PPP2R2B: variants seen among roughly 807,000 people sequenced by gnomAD.
PPP2R2B encodes protein phosphatase 2 regulatory subunit Bbeta, also known as serine/threonine-protein phosphatase 2A 55 kDa regulatory subunit B beta isoform.
In PPP2R2B, 5 loss-of-function variants were observed where a neutral mutation model predicts 46.0. The ratio of observed to expected loss-of-function variants is 0.11; its 90% confidence interval spans 0.06 to 0.23. The LOEUF (loss-of-function observed/expected upper bound fraction) is 0.23, where lower values mean the gene tolerates loss of function less well. Among genes scored for constraint, PPP2R2B ranks in the 10% least tolerant of loss-of-function variants. The pLI, the probability that PPP2R2B is intolerant of heterozygous loss-of-function variation, is 1.00. For synonymous variants in PPP2R2B, 215 were observed against 206.7 expected, an observed-to-expected ratio of 1.04 and a Z score of -0.34; for missense variants, 367 against 575.0, an observed-to-expected ratio of 0.64 and a Z score of 3.70.
chr5:146,644,174 A>C (rs1212888413), intron 6 of PPP2R2B, among the ~76,000 whole-genome samples: 1 of 151,094 alleles, frequency 6.6e-6, no homozygotes, highest in African/African-American at 2.4e-5. Context: ...TCAATAAAAG[A>C]ATATCGTAAT....
intron 1 of PPP2R2B, among the ~76,000 whole-genome samples, chr5:147,022,918 A>T (rs2151886201): frequency 6.6e-6 from 1 of 152,298 alleles, no homozygotes; most frequent in Admixed American, 6.5e-5. Context: ...AAAGAAAAAA[A>T]GTTGAGTGAA....
intron 2 of PPP2R2B, among the ~76,000 whole-genome samples, chr5:146,835,930 C>T (rs971041214): frequency 3.9e-5 from 6 of 152,040 alleles, no homozygotes; most frequent in African/African-American, 9.7e-5. Flanking sequence ...CCAGTTCCAC[C>T]GATTTAAGCT....
rs1779507447 is a variant in PPP2R2B at position 146,701,078 on chromosome 5, C to G, written c.135G>C (p.Gly45=). The change falls in exon 3 of 10, where the codon GGG becomes GGC. Residue 45 remains glycine, a synonymous_variant. Coordinates refer to ENST00000394411, the MANE Select transcript of PPP2R2B (RefSeq NM_181675.4). ...TGELLATGDK[G]GRVVIFQREQ... ...CTCGTTGAAATATTACAACCCGACC[C>G]CCCTTGTCCCCTGTCGCTAGTAATT... is the stretch of plus-strand genomic sequence containing the variant. 1 of 1,613,832 alleles carries G rather than the reference C, an allele frequency of 6.2e-7. No individual in the cohort carries two copies. The highest frequency in any genetic ancestry group is 1.3e-5 in the African/African-American group (1 of 74,920).
intron 1 of PPP2R2B, among the ~76,000 whole-genome samples, chr5:147,005,082 T>C (rs1368786358): frequency 6.6e-6 from 1 of 152,166 alleles, no homozygotes; most frequent in East Asian, 1.9e-4. Flanking sequence ...GGACCAGTGC[T>C]TCAAACATGT....
intron 6 of PPP2R2B, among the ~76,000 whole-genome samples, chr5:146,641,503 A>ATTT (rs61445378): frequency 4.7e-5 from 6 of 128,574 alleles, no homozygotes; most frequent in African/African-American, 1.9e-4. Flanking sequence ...GTGCTCTAAG[A>ATTT]TTTTTTTTTT....
intron 1 of PPP2R2B, among the ~76,000 whole-genome samples, chr5:147,014,434 C>T (rs1489123019): frequency 6.6e-6 from 1 of 151,710 alleles, no homozygotes; most frequent in Non-Finnish European, 1.5e-5. Context: ...GACACATGCA[C>T]ACGTATGTTT....
intron 6 of PPP2R2B, among the ~76,000 whole-genome samples, chr5:146,642,718 C>G (rs1211234729): frequency 6.6e-6 from 1 of 152,178 alleles, no homozygotes; most frequent in African/African-American, 2.4e-5. Flanking sequence ...CAATGATCAG[C>G]ACAATTTCCA....
chr5:146,910,028 A>C (rs1763124848), intron 1 of PPP2R2B, among the ~76,000 whole-genome samples: 1 of 152,184 alleles, frequency 6.6e-6, no homozygotes, highest in Non-Finnish European at 1.5e-5. Flanking sequence ...CTTTTTAAAT[A>C]TTTGACTCAT....
At chr5:146,703,638 G>T (rs916596488) in intron 2 of PPP2R2B, among the ~76,000 whole-genome samples, 1 of 152,124 alleles carries the variant, frequency 6.6e-6, no homozygotes, top group Non-Finnish European at 1.5e-5. Flanking sequence ...TTTCCCAGGG[G>T]ATGACACATA....
intron 1 of PPP2R2B, among the ~76,000 whole-genome samples, chr5:146,899,574 T>C (rs936487399): frequency 3.0e-4 from 45 of 151,940 alleles, no homozygotes; most frequent in African/African-American, 1.1e-3. Context: ...TGTATACATA[T>C]GTAACTAACC....
chr5:146,900,245 C>A (rs1384288571), intron 1 of PPP2R2B, among the ~76,000 whole-genome samples: 2 of 152,112 alleles, frequency 1.3e-5, no homozygotes, highest in East Asian at 3.9e-4. Context: ...AAATAAGTGC[C>A]ACAGTCAGAA....
At chr5:146,932,707 A>G (rs1257064677) in intron 1 of PPP2R2B, among the ~76,000 whole-genome samples, 1 of 152,170 alleles carries the variant, frequency 6.6e-6, no homozygotes, top group Non-Finnish European at 1.5e-5. Context: ...AGATTCCATG[A>G]AGAGACTGAA....
At chr5:146,728,406 A>AT (rs1260216532) in intron 2 of PPP2R2B, among the ~76,000 whole-genome samples, 1 of 152,042 alleles carries the variant, frequency 6.6e-6, no homozygotes, top group East Asian at 1.9e-4. Flanking sequence ...AGGTGTGTTT[A>AT]TTTTTTCTCT....
intron 1 of PPP2R2B, among the ~76,000 whole-genome samples, chr5:147,031,484 T>G (rs1344996869): frequency 6.6e-6 from 1 of 151,728 alleles, no homozygotes; most frequent in Non-Finnish European, 1.5e-5. Context: ...ATTGCTTTTT[T>G]TTTTAATTTA....
At chr5:146,664,187 C>T (rs190821701) in intron 5 of PPP2R2B, among the ~76,000 whole-genome samples, 24 of 152,246 alleles carry the variant, frequency 1.6e-4, no homozygotes, top group African/African-American at 5.1e-4. Flanking sequence ...CCATATCGAT[C>T]GACTCTTCCT....
chr5:146,811,187 A>T (rs573056409), intron 2 of PPP2R2B, among the ~76,000 whole-genome samples: 2 of 152,194 alleles, frequency 1.3e-5, no homozygotes, highest in South Asian at 4.1e-4. Flanking sequence ...TTTAGCAGAG[A>T]CAGGGTTTCA....
intron 1 of PPP2R2B, among the ~76,000 whole-genome samples, chr5:147,044,530 T>G (rs1756464981): frequency 6.6e-6 from 1 of 152,232 alleles, no homozygotes; most frequent in Admixed American, 6.5e-5. Flanking sequence ...AAGTGAATTG[T>G]GTTGCCTTTA....
rs115627608 is a variant in PPP2R2B at position 146,994,753 on chromosome 5, G to A, written c.79+60912C>T. Among the ~76,000 whole-genome samples the A allele has an allele frequency of 7.3e-3, 1,116 of 152,294 alleles. 11 individuals are homozygous for A. The highest frequency in any genetic ancestry group is 0.026 in the African/African-American group (1,068 of 41,556). ...AGTCAGGCATGCATGTGAATGGTGA[G>A]GAGTGAGGCTCTGCACAGGGCATTT... On this transcript the variant is annotated intron_variant, in intron 1 of 8. Coordinates refer to the PPP2R2B transcript ENST00000336640.
chr5:146,955,774 C>CTTT (rs5872000), intron 1 of PPP2R2B, among the ~76,000 whole-genome samples: 23 of 115,652 alleles, frequency 2.0e-4, no homozygotes, highest in African/African-American at 3.1e-4. Context: ...CTTTCTATTA[C>CTTT]TTTTTTTTTT....
Sources: allele counts gnomAD v4.1 joint callset (sites outside exome capture counted in the v4.1 genomes callset), GRCh38; gene constraint gnomAD v4.1.1; transcripts MANE v1.5; gene names NCBI Gene and HGNC (gene_info 2026-07-23, HGNC 2026-07-21).